ABTB3: variants seen among roughly 807,000 people sequenced by gnomAD.
ABTB3 encodes ankyrin repeat- and BTB/POZ domain-containing protein 3.
At chr12:107,466,632 G>A in the ABTB3 span, among the ~76,000 whole-genome samples, 1 of 152,108 alleles carries the variant, frequency 6.6e-6, no homozygotes, top group African/African-American at 2.4e-5. Flanking sequence ...GGGGTCTGCA[G>A]ACTTCGGCAG....
At chr12:107,597,559 C>T in the ABTB3 span, among the ~76,000 whole-genome samples, 1 of 152,164 alleles carries the variant, frequency 6.6e-6, no homozygotes, top group South Asian at 2.1e-4. Context: ...AATCACCTTC[C>T]AAAGGTCCCA....
At chr12:107,632,731 TTG>T in the ABTB3 span, among the ~76,000 whole-genome samples, 1 of 152,126 alleles carries the variant, frequency 6.6e-6, no homozygotes, top group Non-Finnish European at 1.5e-5. Context: ...GTCAGCAGGA[TTG>T]TGTTCCTTTC....
the ABTB3 span, among the ~76,000 whole-genome samples, chr12:107,334,274 A>C: frequency 1.3e-5 from 2 of 152,274 alleles, no homozygotes; most frequent in African/African-American, 4.8e-5. Flanking sequence ...AGGCTCTTCC[A>C]ATAGCCCAGG....
the ABTB3 span, among the ~76,000 whole-genome samples, chr12:107,444,778 G>T: frequency 6.6e-6 from 1 of 152,332 alleles, no homozygotes; most frequent in Non-Finnish European, 1.5e-5. Flanking sequence ...GATTTTATCG[G>T]CAGTGTGGAA....
At chr12:107,544,509 C>G in the ABTB3 span, among the ~76,000 whole-genome samples, 1 of 152,090 alleles carries the variant, frequency 6.6e-6, no homozygotes, top group Admixed American at 6.5e-5. Context: ...GCCCCAGGGC[C>G]CGGGATAACC....
At chr12:107,534,211 TAA>T in the ABTB3 span, among the ~76,000 whole-genome samples, 2 of 139,858 alleles carry the variant, frequency 1.4e-5, no homozygotes, top group Non-Finnish European at 1.6e-5. Context: ...CCCTGTCTCT[TAA>T]AAAAAAAAAA....
the ABTB3 span, among the ~76,000 whole-genome samples, chr12:107,526,243 A>G: frequency 4.6e-5 from 7 of 152,316 alleles, no homozygotes; most frequent in East Asian, 1.3e-3. Context: ...GTTCTAAAAT[A>G]TTTCACGGGT....
At chr12:107,323,728 G>C in the ABTB3 span, among the ~76,000 whole-genome samples, 1,297 of 152,300 alleles carry the variant, frequency 8.5e-3, 20 homozygotes, top group African/African-American at 0.029. Context: ...CTTCAAGAAT[G>C]AGTTGGTCTT....
the ABTB3 span, among the ~76,000 whole-genome samples, chr12:107,469,180 G>T: frequency 6.6e-6 from 1 of 152,202 alleles, no homozygotes; most frequent in Non-Finnish European, 1.5e-5. Flanking sequence ...ACGGCCACAG[G>T]CCTCCCCTGC....
the ABTB3 span, among the ~76,000 whole-genome samples, chr12:107,566,408 C>T: frequency 2.0e-4 from 30 of 152,192 alleles, no homozygotes; most frequent in African/African-American, 6.0e-4. Flanking sequence ...TCATTTATAA[C>T]CAATTTAACT....
At chr12:107,457,296 G>A in the ABTB3 span, among the ~76,000 whole-genome samples, 1 of 152,174 alleles carries the variant, frequency 6.6e-6, no homozygotes, top group Non-Finnish European at 1.5e-5. Context: ...CAAGGGTGTG[G>A]AACTTTGAGA....
At chr12:107,439,697 A>T in the ABTB3 span, among the ~76,000 whole-genome samples, 1 of 152,166 alleles carries the variant, frequency 6.6e-6, no homozygotes, top group Admixed American at 6.5e-5. Flanking sequence ...AGTGATTGAC[A>T]TATGAAAAGC....
At chr12:107,578,889 T>A in the ABTB3 span, among the ~76,000 whole-genome samples, 6 of 152,222 alleles carry the variant, frequency 3.9e-5, no homozygotes, top group Non-Finnish European at 8.8e-5. Context: ...AAGAAATTGG[T>A]AAATCTTAGT....
chr12:107,609,094 C>T, the ABTB3 span, among the ~76,000 whole-genome samples: 1 of 152,194 alleles, frequency 6.6e-6, no homozygotes, highest in Non-Finnish European at 1.5e-5. Context: ...TCCTTGCACT[C>T]CTGCAGCGCC....
At chr12:107,622,714 T>TTG in the ABTB3 span, among the ~76,000 whole-genome samples, 1 of 152,148 alleles carries the variant, frequency 6.6e-6, no homozygotes, top group African/African-American at 2.4e-5. Context: ...CCTCAAGCAA[T>TTG]CCTCCCACCT....
At chr12:107,621,021 C>T in the ABTB3 span, among the ~76,000 whole-genome samples, 6 of 152,060 alleles carry the variant, frequency 3.9e-5, no homozygotes, top group East Asian at 1.9e-4. Flanking sequence ...GTCCCCCTGC[C>T]GGGCTGGGCT....
chr12:107,507,382 T>C, the ABTB3 span, among the ~76,000 whole-genome samples: 602 of 152,250 alleles, frequency 4.0e-3, 5 homozygotes, highest in African/African-American at 0.014. Context: ...AGGAATGATA[T>C]GGGGCGATGC....
At chr12:107,445,411 C>T in the ABTB3 span, among the ~76,000 whole-genome samples, 6 of 152,280 alleles carry the variant, frequency 3.9e-5, no homozygotes, top group South Asian at 1.2e-3. Flanking sequence ...GAAATAGCGC[C>T]CACAAGAAAC....
chr12:107,537,556 A>G, the ABTB3 span, among the ~76,000 whole-genome samples: 2 of 152,150 alleles, frequency 1.3e-5, no homozygotes, highest in Non-Finnish European at 2.9e-5. Flanking sequence ...ATTGCTTCTC[A>G]GGTCTTCCTG....
Sources: gnomAD v4.1 joint callset for allele counts (sites outside exome capture counted in the v4.1 genomes callset) on GRCh38, gnomAD v4.1.1 for gene constraint, MANE v1.5 for transcripts, NCBI Gene and HGNC (gene_info 2026-07-23, HGNC 2026-07-21) for gene names.